The following LYPD6B variants were observed in gnomAD, a reference collection of about 807,000 sequenced individuals.
The protein encoded by LYPD6B is ly6/PLAUR domain-containing protein 6B.
In LYPD6B, 17 loss-of-function variants were observed where a neutral mutation model predicts 22.8. That is an observed-to-expected ratio of 0.75 (90% CI 0.51 to 1.12). The LOEUF is 1.12. LYPD6B is among the 50% of genes most tolerant of loss of function. The probability of loss-of-function intolerance (pLI) is 0.00; values close to 1 mark genes in which losing one functional copy is unlikely to be tolerated. For synonymous variants in LYPD6B, 106 were observed against 91.6 expected (o/e 1.16, Z -0.90); for missense variants, 221 against 258.3 (o/e 0.86, Z 0.99).
At chr2:149,182,359 G>T (rs758965692) in intron 3 of LYPD6B, among the ~76,000 whole-genome samples, 6 of 152,140 alleles carry the variant, frequency 3.9e-5, no homozygotes, top group African/African-American at 1.4e-4. Flanking sequence ...CACACAATAC[G>T]TACTTCGTAT....
At chr2:149,194,503 C>G (rs1421428625) in intron 3 of LYPD6B, among the ~76,000 whole-genome samples, 1 of 152,134 alleles carries the variant, frequency 6.6e-6, no homozygotes, top group African/African-American at 2.4e-5. Context: ...GTGCTAGCAG[C>G]AGAGAAAATC....
At chr2:149,191,387 G>A (rs1269636278) in intron 3 of LYPD6B, among the ~76,000 whole-genome samples, 2 of 152,018 alleles carry the variant, frequency 1.3e-5, no homozygotes, top group Admixed American at 6.6e-5. Flanking sequence ...TATGAGGTAT[G>A]TATCCAACCA....
intron 3 of LYPD6B, among the ~76,000 whole-genome samples, chr2:149,191,783 C>A (rs143951731): frequency 6.6e-6 from 1 of 152,050 alleles, no homozygotes; most frequent in African/African-American, 2.4e-5. Context: ...TGATCCCTAA[C>A]GAAAGTACTA....
intron 2 of LYPD6B, among the ~76,000 whole-genome samples, chr2:149,133,178 C>T (rs1012371145): frequency 9.9e-5 from 15 of 152,108 alleles, no homozygotes; most frequent in Middle Eastern, 3.4e-3. Context: ...GGAAACTGGG[C>T]CTCTGTAGTC....
At chr2:149,138,832 G>A (rs191133149) in intron 2 of LYPD6B, among the ~76,000 whole-genome samples, 45 of 152,308 alleles carry the variant, frequency 3.0e-4, no homozygotes, top group African/African-American at 1.0e-3. Flanking sequence ...ACACAGATGT[G>A]AGCCACTGCA....
chr2:149,158,188 C>T (rs229326), intron 2 of LYPD6B, among the ~76,000 whole-genome samples: 120,504 of 152,078 alleles, frequency 0.79, 47,976 homozygotes, highest in Non-Finnish European at 0.83. Flanking sequence ...CTACCTCTTA[C>T]ATATGGTTCT....
intron 1 of LYPD6B, among the ~76,000 whole-genome samples, chr2:149,060,360 A>G (rs577542474): frequency 7.2e-5 from 11 of 152,284 alleles, no homozygotes; most frequent in Admixed American, 3.3e-4. Context: ...TGTTATGAGC[A>G]ATAACTAAGT....
At chr2:149,093,731 T>C (rs183437615) in intron 1 of LYPD6B, among the ~76,000 whole-genome samples, 32 of 152,394 alleles carry the variant, frequency 2.1e-4, no homozygotes, top group African/African-American at 7.5e-4. Flanking sequence ...AATTTTCTTC[T>C]GCATTTCTTG....
intron 3 of LYPD6B, among the ~76,000 whole-genome samples, chr2:149,175,061 C>CTCTGTGTGTGTGTGTGTGTGTG (rs1454802925): frequency 2.7e-5 from 3 of 113,002 alleles, no homozygotes; most frequent in African/African-American, 9.7e-5. Flanking sequence ...CTCTCTCTCT[C>CTCTGTGTGTGTGTGTGTGTGTG]TGTGTGTGTG....
chr2:149,118,707 T>A (rs35242609), intron 1 of LYPD6B, among the ~76,000 whole-genome samples: 3,170 of 152,346 alleles, frequency 0.021, 62 homozygotes, highest in Middle Eastern at 0.031. Context: ...GATATGTTAC[T>A]TAGCTCTTCC....
chr2:149,045,552 G>A (rs180860663), intron 1 of LYPD6B, among the ~76,000 whole-genome samples: 81 of 151,892 alleles, frequency 5.3e-4, no homozygotes, highest in Non-Finnish European at 8.7e-4. Context: ...TTCCCTCTAG[G>A]CCTTGCTTTA....
intron 4 of LYPD6B, among the ~76,000 whole-genome samples, chr2:149,206,893 G>A (rs924397434): frequency 3.9e-5 from 6 of 152,034 alleles, no homozygotes; most frequent in Admixed American, 1.3e-4. Flanking sequence ...AGGCTGGTCT[G>A]TAGCTTATTT....
At chr2:149,185,987 CT>C (rs1388525665) in intron 3 of LYPD6B, among the ~76,000 whole-genome samples, 2 of 152,338 alleles carry the variant, frequency 1.3e-5, no homozygotes, top group East Asian at 1.9e-4. Context: ...CCTCATCTCT[CT>C]TCCCCTCCTT....
intron 3 of LYPD6B, among the ~76,000 whole-genome samples, chr2:149,169,111 A>G (rs2105920404): frequency 6.6e-6 from 1 of 152,330 alleles, no homozygotes; most frequent in African/African-American, 2.4e-5. Context: ...GATTCAGATT[A>G]ATTAGGAAAT....
chr2:149,132,722 G>A (rs560047705), intron 2 of LYPD6B, among the ~76,000 whole-genome samples: 4 of 152,276 alleles, frequency 2.6e-5, no homozygotes, highest in African/African-American at 9.6e-5. Flanking sequence ...TCCACTCTTG[G>A]TAGCTTGTTG....
intron 2 of LYPD6B, among the ~76,000 whole-genome samples, chr2:149,147,495 GTTT>G (rs1689098929): frequency 6.6e-6 from 1 of 151,934 alleles, no homozygotes; most frequent in Admixed American, 6.6e-5. Flanking sequence ...GGGTTTGTTT[GTTT>G]TTTTGTTTTT....
chr2:149,167,776 T>C (rs1351562606), intron 3 of LYPD6B, among the ~76,000 whole-genome samples: 1 of 152,186 alleles, frequency 6.6e-6, no homozygotes, highest in African/African-American at 2.4e-5. Context: ...CTTGTTGGTT[T>C]TATGACCAGT....
chr2:149,133,346 C>T (rs1688147835), intron 2 of LYPD6B, among the ~76,000 whole-genome samples: 1 of 152,162 alleles, frequency 6.6e-6, no homozygotes, highest in Non-Finnish European at 1.5e-5. Context: ...ATCAATAAAA[C>T]AATATATTCA....
intron 3 of LYPD6B, among the ~76,000 whole-genome samples, chr2:149,185,740 G>C (rs1206745871): frequency 6.6e-6 from 1 of 152,200 alleles, no homozygotes; most frequent in Non-Finnish European, 1.5e-5. Flanking sequence ...AAGTCAATCA[G>C]TGCTGTTTTT....
Sources: gnomAD v4.1 joint callset for allele counts (sites outside exome capture counted in the v4.1 genomes callset) on GRCh38, gnomAD v4.1.1 for gene constraint, MANE v1.5 for transcripts, NCBI Gene and HGNC (gene_info 2026-07-23, HGNC 2026-07-21) for gene names.